Variants in NEDD4 observed in about 807,000 individuals in gnomAD.
NEDD4 encodes the protein NEDD4 E3 ubiquitin protein ligase, also known as E3 ubiquitin-protein ligase NEDD4.
NEDD4 carries 99 observed loss-of-function variants against 144.9 expected under a neutral mutation model. The observed-to-expected ratio is 0.68, with a 90% CI of 0.58 to 0.81. NEDD4 has a LOEUF of 0.81. NEDD4 is among the 30% of genes least tolerant of loss of function. The pLI is 0.00. For synonymous variants in NEDD4, 318 were observed against 350.6 expected (o/e 0.91, Z 1.04); for missense variants, 985 against 1,065.9 (o/e 0.92, Z 1.06).
Position 55,834,131 on chromosome 15 carries a change from T to C in NEDD4, c.2337A>G (p.Gly779=). The C allele has an allele frequency of 9.3e-6, 15 of 1,613,482 alleles. No individual in the cohort carries two copies. The highest frequency in any genetic ancestry group is 1.2e-5 in the Non-Finnish European group (14 of 1,179,842). Residue 779 remains glycine (G), a synonymous_variant, in exon 26 of 29, where the codon GGA becomes GGG. Transcript: ENST00000435532. ...DENELELLMC[G]LGDVDVNDWR... is the part of the protein sequence containing the mutation. The stretch of plus-strand genomic sequence containing the variant: ...AGTCATTCACATCAACATCTCCCAG[T>C]CCACACATAAGAAGCTACATAAGAA...
At chr15:55,884,720 AT>A (rs2142100893) in intron 5 of NEDD4, among the ~76,000 whole-genome samples, 1 of 152,276 alleles carries the variant, frequency 6.6e-6, no homozygotes, top group East Asian at 1.9e-4. Flanking sequence ...AGAATAGTGA[AT>A]TTTAAGAAAG....
intron 5 of NEDD4, among the ~76,000 whole-genome samples, chr15:55,888,385 C>G (rs1050653025): frequency 6.6e-6 from 1 of 152,070 alleles, no homozygotes; most frequent in South Asian, 2.1e-4. Flanking sequence ...TTTACAATAA[C>G]TACAAATAAA....
At position 55,827,078 on chromosome 15, in the gene NEDD4, C is replaced by A. The variant is rs1033420697; in HGVS notation, c.*2819G>T. On this transcript the variant is annotated 3_prime_UTR_variant, in exon 29 of 29. Transcript: ENST00000435532. ...TTTAAAAAGTCAAATAGTTTATAATCAAAATGAATTGTGTTTAACTTGATA... is the reference window on the plus strand; with the variant it reads ...TTTAAAAAGTCAAATAGTTTATAATAAAAATGAATTGTGTTTAACTTGATA... 1 of 152,086 alleles carries A rather than the reference C, an allele frequency of 6.6e-6. No individual in the cohort carries two copies. The highest frequency in any genetic ancestry group is 1.5e-5 in the Non-Finnish European group (1 of 68,016). 9.4% of individuals were successfully genotyped at this position (152,086 alleles called of 1,614,324 possible).
chr15:55,986,167 T>C (rs1343788172), intron 1 of NEDD4, among the ~76,000 whole-genome samples: 2 of 152,214 alleles, frequency 1.3e-5, no homozygotes, highest in African/African-American at 4.8e-5. Flanking sequence ...AAGCTCTTCT[T>C]ACATAGAATG....
chr15:55,853,385 G>C (rs1458370147), intron 12 of NEDD4, among the ~76,000 whole-genome samples: 2 of 152,156 alleles, frequency 1.3e-5, no homozygotes, highest in Non-Finnish European at 2.9e-5. Context: ...ATTTCAATGA[G>C]ATAATTACTA....
Position 55,883,803 on chromosome 15 carries a change from AG to A in NEDD4, c.292-9796del, listed in dbSNP as rs113248787. 1.3e-5 allele frequency among the ~76,000 whole-genome samples: 2 copies of A among 152,046 alleles called. 1 individual carries two copies. Among genetic ancestry groups the A allele is most frequent in the African/African-American group, 4.8e-5 (2 of 41,494 alleles). Reference sequence around the variant, plus strand: ...CACTCTATTTGTCTGGGAGAAAGTAAGGGAGAAGAACAAGAGTCTCTGCCTG... The same window carrying A: ...CACTCTATTTGTCTGGGAGAAAGTAAGGAGAAGAACAAGAGTCTCTGCCTG... On this transcript the variant is annotated intron_variant, in intron 5 of 28. Coordinates refer to ENST00000435532, the MANE Select transcript of NEDD4 (RefSeq NM_006154.4).
intron 8 of NEDD4, among the ~76,000 whole-genome samples, chr15:55,866,910 G>C (rs2034604931): frequency 6.6e-6 from 1 of 152,116 alleles, no homozygotes; most frequent in Admixed American, 6.5e-5. Flanking sequence ...AACTTTCTAA[G>C]TATCAATGAA....
chr15:55,907,813 C>A (rs2036148042), intron 5 of NEDD4, among the ~76,000 whole-genome samples: 2 of 152,136 alleles, frequency 1.3e-5, no homozygotes, highest in Admixed American at 1.3e-4. Context: ...TGTCTGAATA[C>A]CCTTAAAGAT....
chr15:55,838,602 A>G lies in NEDD4; in HGVS notation c.2034T>C (p.Asp678=), dbSNP rs777434669. 6.3e-7 allele frequency: 1 copy of G among 1,598,618 alleles called. No homozygotes were observed. The highest frequency in any genetic ancestry group is 1.1e-5 in the South Asian group (1 of 90,316). ...ATCTTAGGGAATTGTAATATTCACT[A>G]TCCTAGATGGGAAAAATTACATATT... ...PITLHDMESV[D]SEYYNSLRWI... The change falls in exon 22 of 29, where the codon GAT becomes GAC. Residue 678 remains aspartate, a splice_region_variant and synonymous_variant. Transcript: ENST00000435532.
intron 2 of NEDD4, among the ~76,000 whole-genome samples, chr15:55,954,416 C>T (rs2037299921): frequency 6.6e-6 from 1 of 152,158 alleles, no homozygotes; most frequent in Non-Finnish European, 1.5e-5. Context: ...TAACTATATA[C>T]TATTAAATAT....
intron 5 of NEDD4, among the ~76,000 whole-genome samples, chr15:55,921,325 C>CT (rs544704197): frequency 7.0e-4 from 102 of 145,168 alleles, no homozygotes; most frequent in Admixed American, 6.9e-4. Context: ...TCTATAATAA[C>CT]TTTTTTTTTT....
At chr15:55,992,204 G>T (rs1351253341) in intron 1 of NEDD4, among the ~76,000 whole-genome samples, 1 of 152,196 alleles carries the variant, frequency 6.6e-6, no homozygotes, top group Non-Finnish European at 1.5e-5. Flanking sequence ...GATATCTTTA[G>T]CTGTAACACA....
chr15:55,866,484 T>C (rs548149145), intron 8 of NEDD4, among the ~76,000 whole-genome samples: 2 of 152,280 alleles, frequency 1.3e-5, no homozygotes, highest in African/African-American at 4.8e-5. Context: ...TTTTATATTT[T>C]ACTCTTTTGA....
At chr15:55,857,478 G>A (rs1414845792) in intron 11 of NEDD4, among the ~76,000 whole-genome samples, 5 of 151,986 alleles carry the variant, frequency 3.3e-5, no homozygotes, top group African/African-American at 4.8e-5. Flanking sequence ...ACAGACACAC[G>A]CCACTGCACT....
At chr15:55,971,767 A>G (rs987126208) in intron 1 of NEDD4, among the ~76,000 whole-genome samples, 10 of 152,230 alleles carry the variant, frequency 6.6e-5, no homozygotes, top group Non-Finnish European at 7.3e-5. Flanking sequence ...AGGTTATAGA[A>G]TATCAAGCAG....
intron 2 of NEDD4, among the ~76,000 whole-genome samples, chr15:55,964,485 T>C (rs1185869260): frequency 2.0e-5 from 3 of 152,212 alleles, no homozygotes; most frequent in Admixed American, 6.5e-5. Context: ...CATTTTTTTA[T>C]GGTTTCCATT....
At chr15:55,874,394 C>T (rs1287956003) in intron 5 of NEDD4, among the ~76,000 whole-genome samples, 1 of 152,022 alleles carries the variant, frequency 6.6e-6, no homozygotes, top group Non-Finnish European at 1.5e-5. Context: ...TGCAGAGAGC[C>T]TAGAACTTAA....
At chr15:55,946,037 C>G (rs1304436062) in intron 4 of NEDD4, among the ~76,000 whole-genome samples, 1 of 152,166 alleles carries the variant, frequency 6.6e-6, no homozygotes, top group African/African-American at 2.4e-5. Flanking sequence ...CCAGTACCAG[C>G]CACTGCAAAA....
At chr15:55,871,561 T>C (rs1595777042) in intron 7 of NEDD4, among the ~76,000 whole-genome samples, 1 of 152,276 alleles carries the variant, frequency 6.6e-6, no homozygotes, top group Non-Finnish European at 1.5e-5. Context: ...CTAAAAGAGA[T>C]TTACATTCCA....
Sources: allele counts gnomAD v4.1 joint callset (sites outside exome capture counted in the v4.1 genomes callset), GRCh38; gene constraint gnomAD v4.1.1; transcripts MANE v1.5; gene names NCBI Gene and HGNC (gene_info 2026-07-23, HGNC 2026-07-21).